The following METTL22 variants were observed in gnomAD, a reference collection of about 807,000 sequenced individuals.
METTL22 encodes methyltransferase-like protein 22.
METTL22 carries 51 observed loss-of-function variants against 48.4 expected under a neutral mutation model. That is an observed-to-expected ratio of 1.05 (90% confidence interval 0.84 to 1.33). The LOEUF is 1.33. Among genes scored for constraint, METTL22 ranks in the 40% most tolerant of loss-of-function variants. METTL22 has a pLI of 0.00. For synonymous variants in METTL22, 255 were observed against 214.1 expected (o/e 1.19, Z -1.67); for missense variants, 678 against 526.9 (o/e 1.29, Z -2.81).
chr16:8,639,892 C>A (rs1328520508), intron 6 of METTL22, among the ~76,000 whole-genome samples: 7 of 151,836 alleles, frequency 4.6e-5, no homozygotes, highest in African/African-American at 7.3e-5. Context: ...GCGCCCCCCA[C>A]CACCAACAGC....
In METTL22 at chr16:8,628,596, G is replaced by A. The variant is rs2056142542; in HGVS notation, c.134-134G>A. ...CAGCTGAATCAAGTGGGCCTTTTCT[G>A]CTGGCATTAGTATATCTCTACCTGG... On this transcript the variant is annotated intron_variant, in intron 2 of 10. Coordinates refer to ENST00000381920, the MANE Select transcript of METTL22 (RefSeq NM_024109.4). 4.8e-6 allele frequency: 6 copies of A among 1,238,162 alleles called. No homozygotes were observed. In the Middle Eastern group the frequency reaches 8.4e-4, roughly 173 times the overall value. 76.7% of individuals were successfully genotyped at this position (1,238,162 alleles called of 1,614,324 possible). A position where few individuals can be genotyped will look rare whatever the true frequency, so the allele number is the denominator to read the frequency against.
At chr16:8,634,679 TATG>T (rs553943674) in intron 3 of METTL22, among the ~76,000 whole-genome samples, 1 of 152,330 alleles carries the variant, frequency 6.6e-6, no homozygotes, top group African/African-American at 2.4e-5. Flanking sequence ...ATTAATATAT[TATG>T]ATTGTAACTT....
chr16:8,658,702 G>A, the METTL22 span, among the ~76,000 whole-genome samples: 7 of 152,270 alleles, frequency 4.6e-5, no homozygotes, highest in East Asian at 1.2e-3. Flanking sequence ...ACATATCTCC[G>A]TCTTTGGGAG....
At chr16:8,625,893 A>AC in intron 2 of METTL22, 95 bp downstream of exon 2, 1 of 1,491,480 alleles carries the variant, frequency 6.7e-7, no homozygotes, top group South Asian at 1.2e-5. Flanking sequence ...AGACTGGATT[A>AC]CGTAACTGTT....
At position 8,644,629 on chromosome 16, in the gene METTL22, G is replaced by T. The variant is rs778143938; in HGVS notation, c.1083G>T (p.Ala361=). The change falls in exon 10 of 11, where the codon GCG becomes GCT. Residue 361 remains alanine, a synonymous_variant. Coordinates refer to ENST00000381920, the MANE Select transcript of METTL22 (RefSeq NM_024109.4). ...AYDHFRSCLH[A]LEQLADGKLR... ...ATCACTTCCGCTCCTGCCTGCACGC[G>T]CTGGAGCAGCTCGCAGATGGCAAGC... is the stretch of plus-strand genomic sequence containing the variant. The T allele has an allele frequency of 1.2e-6, 2 of 1,606,076 alleles. No homozygotes were observed. Among genetic ancestry groups the T allele is most frequent in the South Asian group, 2.2e-5 (2 of 89,538 alleles).
At chr16:8,623,679 T>C (rs2055940327) in intron 1 of METTL22, 1 of 152,236 alleles carries the variant, frequency 6.6e-6, no homozygotes, top group Admixed American at 6.5e-5. Context: ...TTGATGGCTT[T>C]ATGGTGTTGA....
chr16:8,632,432 C>A (rs1193619312), intron 3 of METTL22, among the ~76,000 whole-genome samples: 2 of 152,218 alleles, frequency 1.3e-5, no homozygotes, highest in Non-Finnish European at 2.9e-5. Flanking sequence ...TCTCAAACTC[C>A]TGGCTTCAGG....
At chr16:8,626,648 C>T (rs2056065341) in intron 2 of METTL22, among the ~76,000 whole-genome samples, 1 of 149,716 alleles carries the variant, frequency 6.7e-6, no homozygotes, top group Non-Finnish European at 1.5e-5. Flanking sequence ...AGAGTTTCAC[C>T]ATGTTGGTCA....
the METTL22 span, among the ~76,000 whole-genome samples, chr16:8,664,558 G>A: frequency 6.6e-6 from 1 of 152,074 alleles, no homozygotes; most frequent in Non-Finnish European, 1.5e-5. Flanking sequence ...GGCTCAAGCA[G>A]TGCTCCCACC....
chr16:8,633,078 G>C (rs1355962326), intron 3 of METTL22, among the ~76,000 whole-genome samples: 1 of 152,174 alleles, frequency 6.6e-6, no homozygotes, highest in Non-Finnish European at 1.5e-5. Flanking sequence ...ACACCCAGGA[G>C]ATGGCATGGG....
intron 5 of METTL22, among the ~76,000 whole-genome samples, 187 bp downstream of exon 5, chr16:8,635,499 C>T (rs1641041): frequency 6.6e-6 from 1 of 152,192 alleles, no homozygotes; most frequent in Non-Finnish European, 1.5e-5. Context: ...CCAGCAATAC[C>T]CACTCAGCAG....
At chr16:8,640,989 G>T (rs1206768957) in intron 6 of METTL22, 142 bp from the exon 7 acceptor site, 1 of 685,958 alleles carries the variant, frequency 1.5e-6, no homozygotes, top group African/African-American at 1.8e-5. Flanking sequence ...TGGCTGTAAA[G>T]ATGGAAGGGC....
the METTL22 span, among the ~76,000 whole-genome samples, chr16:8,666,095 G>T: frequency 1.3e-5 from 2 of 152,172 alleles, no homozygotes; most frequent in African/African-American, 4.8e-5. Flanking sequence ...TATCATCTGA[G>T]ACTCACCCTG....
chr16:8,653,095 T>G (rs1567255955), downstream of METTL22, among the ~76,000 whole-genome samples: 1 of 152,182 alleles, frequency 6.6e-6, no homozygotes, highest in East Asian at 1.9e-4. Flanking sequence ...AAGCAGGCAG[T>G]GGATCCCAGC....
chr16:8,639,231 G>T, intron 6 of METTL22, 69 bp downstream of exon 6: 2 of 1,481,856 alleles, frequency 1.3e-6, no homozygotes, highest in Non-Finnish European at 1.9e-6. Context: ...AGACACCCAA[G>T]ACCATGACAT....
At position 8,625,716 on chromosome 16, in the gene METTL22, C is replaced by T. The variant is rs200317291; in HGVS notation, c.51C>T (p.Ser17=). 48 of 1,614,002 alleles carry T rather than the reference C, an allele frequency of 3.0e-5. No homozygotes were observed. The highest frequency in any genetic ancestry group is 3.3e-5 in the Admixed American group (2 of 59,994). ...CCATGGACGAGGTCACCTTTAGGAG[C>T]GACACTGTGCTGTCAGATGTCCACC... ...AAAMDEVTFR[S]DTVLSDVHLY... The change falls in exon 2 of 11, where the codon AGC becomes AGT. Residue 17 remains serine, a synonymous_variant. Coordinates refer to ENST00000381920, the MANE Select transcript of METTL22 (RefSeq NM_024109.4).
At chr16:8,642,003 C>T in intron 7 of METTL22, 124 bp from the exon 8 acceptor site, 1 of 738,194 alleles carries the variant, frequency 1.4e-6, no homozygotes, top group Non-Finnish European at 2.4e-6. Context: ...CTGGTGGTGC[C>T]CACTGCACCG....
intron 9 of METTL22, 162 bp downstream of exon 9, chr16:8,642,727 G>A (rs1013426889): frequency 1.1e-5 from 8 of 700,892 alleles, no homozygotes; most frequent in Non-Finnish European, 2.0e-5. Context: ...GTACGTTACT[G>A]CACTGAATCT....
chr16:8,628,634 T>G, intron 2 of METTL22, 96 bp from the exon 3 acceptor site: 1 of 1,475,526 alleles, frequency 6.8e-7, no homozygotes, highest in Non-Finnish European at 9.0e-7. Flanking sequence ...TTTAAAAATC[T>G]TTCCTATTGG....
Sources: gnomAD v4.1 joint callset for allele counts (sites outside exome capture counted in the v4.1 genomes callset) on GRCh38, gnomAD v4.1.1 for gene constraint, MANE v1.5 for transcripts, NCBI Gene and HGNC (gene_info 2026-07-23, HGNC 2026-07-21) for gene names.